Variants in PCDHA6 observed in about 807,000 individuals in gnomAD.
PCDHA6 encodes the protein protocadherin alpha 6.
In PCDHA6, 55 loss-of-function variants were observed where a neutral mutation model predicts 60.3. That is an observed-to-expected ratio of 0.91 (90% CI 0.73 to 1.14). PCDHA6 has a LOEUF of 1.14. Among genes scored for constraint, PCDHA6 ranks in the 50% most tolerant of loss-of-function variants. The pLI is 0.00. For synonymous variants in PCDHA6, 652 were observed against 557.9 expected (o/e 1.17, Z -2.38); for missense variants, 1,327 against 1,256.5 (o/e 1.06, Z -0.85).
At chr5:140,897,258 G>A (rs1008292814) in intron 1 of PCDHA6, among the ~76,000 whole-genome samples, 1 of 151,682 alleles carries the variant, frequency 6.6e-6, no homozygotes, top group African/African-American at 2.4e-5. Flanking sequence ...ATGTATACAT[G>A]TGCCATGCTG....
chr5:140,983,518 C>T (rs1417635641), intron 3 of PCDHA6, among the ~76,000 whole-genome samples: 1 of 152,130 alleles, frequency 6.6e-6, no homozygotes, highest in African/African-American at 2.4e-5. Context: ...AGACACTGTG[C>T]CAAGTACATT....
At chr5:140,949,691 T>C (rs2094413493) in intron 1 of PCDHA6, among the ~76,000 whole-genome samples, 1 of 151,872 alleles carries the variant, frequency 6.6e-6, no homozygotes, top group Non-Finnish European at 1.5e-5. Context: ...AAGCGTATTG[T>C]TGGATCTTGC....
At chr5:140,856,734 T>C in intron 1 of PCDHA6, 1 of 1,596,648 alleles carries the variant, frequency 6.3e-7, no homozygotes. Context: ...TCTCTGCTGA[T>C]CCTGGTGTTA....
At chr5:140,856,596 A>G in intron 1 of PCDHA6, 1 of 1,597,802 alleles carries the variant, frequency 6.3e-7, no homozygotes, top group Non-Finnish European at 8.6e-7. Flanking sequence ...GATATTATAA[A>G]CAAAAAAGAC....
At chr5:140,993,727 T>C (rs1482867785) in intron 3 of PCDHA6, among the ~76,000 whole-genome samples, 1 of 152,220 alleles carries the variant, frequency 6.6e-6, no homozygotes, top group Non-Finnish European at 1.5e-5. Context: ...ACCTTTTCTA[T>C]GTTTAGATAC....
intron 1 of PCDHA6, chr5:140,843,568 A>G: frequency 6.3e-7 from 1 of 1,595,946 alleles, no homozygotes; most frequent in Non-Finnish European, 8.6e-7. Context: ...GGAGCTGGTC[A>G]TACTCGCAAC....
chr5:140,859,389 T>C (rs1554152298), intron 1 of PCDHA6: 1 of 268,430 alleles, frequency 3.7e-6, no homozygotes, highest in Non-Finnish European at 6.7e-6. Context: ...TCTCTAGTCA[T>C]CTTAAACAGG....
In PCDHA6 at chr5:140,850,468, C is replaced by G. The variant is rs2150485398; in HGVS notation, c.2394+19983C>G. 1.3e-5 allele frequency: 20 copies of G among 1,597,798 alleles called. 4 individuals carry two copies. The highest frequency in any genetic ancestry group is 1.6e-5 in the Non-Finnish European group (19 of 1,167,656). On this transcript the variant is annotated intron_variant, in intron 1 of 3. Transcript: ENST00000529310. Reference sequence around the variant, plus strand: ...CTGGTGAAAGACCACGGGGAGCCAGCGCTGACGGCCACGGCCACTGTGCTG... The same window carrying G: ...CTGGTGAAAGACCACGGGGAGCCAGGGCTGACGGCCACGGCCACTGTGCTG...
At chr5:140,967,380 A>C in intron 1 of PCDHA6, 3 of 1,608,302 alleles carry the variant, frequency 1.9e-6, no homozygotes, top group Non-Finnish European at 2.6e-6. Flanking sequence ...GAGAACAGTA[A>C]AGTGCTTGAG....
chr5:140,844,747 T>C (rs1779528592), intron 1 of PCDHA6, among the ~76,000 whole-genome samples: 1 of 149,678 alleles, frequency 6.7e-6, no homozygotes, highest in Admixed American at 6.7e-5. Context: ...TATTATGGGA[T>C]AAATCTTTGA....
At chr5:140,838,065 T>TTA (rs144773480) in intron 1 of PCDHA6, among the ~76,000 whole-genome samples, 9 of 113,460 alleles carry the variant, frequency 7.9e-5, no homozygotes, top group Non-Finnish European at 1.3e-4. Context: ...CCACTTTAAG[T>TTA]TATATATATA....
At chr5:140,870,505 C>T in intron 1 of PCDHA6, 1 of 1,614,220 alleles carries the variant, frequency 6.2e-7, no homozygotes, top group Non-Finnish European at 8.5e-7. Context: ...GGAGAACAAC[C>T]CACCAGGCTG....
At chr5:140,926,472 T>G in intron 1 of PCDHA6, 1 of 163,134 alleles carries the variant, frequency 6.1e-6, no homozygotes, top group East Asian at 1.8e-4. Context: ...AAAACACCGT[T>G]TAAGGAGAGA....
intron 1 of PCDHA6, among the ~76,000 whole-genome samples, chr5:140,978,584 C>G (rs2096810786): frequency 6.6e-6 from 1 of 152,186 alleles, no homozygotes; most frequent in African/African-American, 2.4e-5. Flanking sequence ...TGGGAATGTT[C>G]CCTTAATGGG....
chr5:140,856,448 G>T (rs782383115), intron 1 of PCDHA6: 3 of 1,598,274 alleles, frequency 1.9e-6, no homozygotes, highest in South Asian at 2.2e-5. Context: ...CAGGTTCTCC[G>T]TAACAGAACA....
chr5:140,842,035 T>C (rs2150327747), intron 1 of PCDHA6: 3 of 1,613,864 alleles, frequency 1.9e-6, no homozygotes, highest in South Asian at 1.1e-5. Context: ...TGAATGATAA[T>C]GCTCCCACTT....
intron 1 of PCDHA6, chr5:140,858,495 G>A (rs2045450784): frequency 6.7e-7 from 1 of 1,481,628 alleles, no homozygotes; most frequent in East Asian, 2.5e-5. Flanking sequence ...TTCTCTTACC[G>A]CATTTTCTCA....
intron 3 of PCDHA6, among the ~76,000 whole-genome samples, chr5:140,985,312 G>C (rs961087434): frequency 2.0e-5 from 3 of 152,102 alleles, no homozygotes; most frequent in Non-Finnish European, 2.9e-5. Flanking sequence ...TAGCCTGGTG[G>C]CCAGAATTCA....
At chr5:140,840,534 A>G (rs1554137817) in intron 1 of PCDHA6, among the ~76,000 whole-genome samples, 1 of 152,088 alleles carries the variant, frequency 6.6e-6, no homozygotes, top group East Asian at 1.9e-4. Flanking sequence ...TGAAGAACTA[A>G]CAAGCCAATG....
Sources: gnomAD v4.1 joint callset for allele counts (sites outside exome capture counted in the v4.1 genomes callset) on GRCh38, gnomAD v4.1.1 for gene constraint, MANE v1.5 for transcripts, NCBI Gene and HGNC (gene_info 2026-07-23, HGNC 2026-07-21) for gene names.